The following ACOX2 variants were observed in gnomAD, a reference collection of about 807,000 sequenced individuals.
ACOX2 encodes the protein acyl-CoA oxidase 2, also known as peroxisomal acyl-coenzyme A oxidase 2.
ACOX2 carries 59 observed loss-of-function variants against 77.5 expected under a neutral mutation model. The observed-to-expected ratio is 0.76, with a 90% confidence interval of 0.62 to 0.95. The LOEUF (loss-of-function observed/expected upper bound fraction) is 0.95. ACOX2 is among the 40% of genes least tolerant of loss of function. The probability of loss-of-function intolerance (pLI) is 0.00; values close to 1 mark genes in which losing one functional copy is unlikely to be tolerated. For synonymous variants in ACOX2, 317 were observed against 340.1 expected (o/e 0.93, Z 0.75); for missense variants, 837 against 880.4 (o/e 0.95, Z 0.62).
chr3:58,510,836 C>T, intron 13 of ACOX2: 1 of 375,978 alleles, frequency 2.7e-6, no homozygotes, highest in Non-Finnish European at 5.3e-6. Context: ...ACCTTTGTAA[C>T]TATACATGGC....
At chr3:58,506,525 G>T (rs1426324321) in intron 14 of ACOX2, among the ~76,000 whole-genome samples, 2 of 152,214 alleles carry the variant, frequency 1.3e-5, no homozygotes, top group African/African-American at 2.4e-5. Context: ...AGGCATGGTG[G>T]CTCACACCTA....
rs1413414514 is a variant in ACOX2 at position 58,522,490 on chromosome 3, G to GCT, written c.1632+4_1632+5dup. On this transcript the variant is annotated splice_donor_region_variant and intron_variant, in intron 12 of 14. Transcript: ENST00000302819. This position sits in a 1 kb window ranked among gnomAD's most constrained non-coding sequence, Gnocchi z 4.3. ...TCCCTTTCAGCTTCAGCTGGCAGGC[G>GCT]CTCACCTTAGCAGCCTGGAGGTGTA... The GCT allele has an allele frequency of 6.2e-7, 1 of 1,613,058 alleles. No homozygotes were observed. The highest frequency in any genetic ancestry group is 1.3e-5 in the African/African-American group (1 of 74,900).
intron 13 of ACOX2, among the ~76,000 whole-genome samples, chr3:58,516,254 A>G (rs1260691617): frequency 6.6e-6 from 1 of 152,228 alleles, no homozygotes; most frequent in Non-Finnish European, 1.5e-5. Flanking sequence ...TAAACTTGGT[A>G]AGAATTTGCT....
Position 58,505,259 on chromosome 3 carries a change from T to C in ACOX2, c.2011A>G (p.Arg671Gly), listed in dbSNP as rs774482449. The change falls in exon 15 of 15, where the codon AGA (arginine) becomes GGA (glycine). Residue 671 changes from arginine (R) to glycine (G), a missense_variant. Arg to Gly is a moderately radical substitution (Grantham distance 125). Coordinates refer to ENST00000302819, the MANE Select transcript of ACOX2 (RefSeq NM_003500.4). This position sits in a 1 kb window ranked among gnomAD's most constrained non-coding sequence, Gnocchi z 4.4. The part of the protein sequence containing the change: ...QENPAYEEYI[R>G]PLLQSWRSKL ...GATCTCCAACTTTGTAAAAGTGGTC[T>C]TATATATTCCTCATAGGCAGGGTTC... The C allele has an allele frequency of 1.9e-6, 3 of 1,613,294 alleles. No homozygotes were observed. Among genetic ancestry groups the C allele is most frequent in the South Asian group, 1.1e-5 (1 of 90,782 alleles).
Position 58,505,242 on chromosome 3 carries a change from A to G in ACOX2, c.2028T>C (p.Ser676=), listed in dbSNP as rs1476138549. 1.2e-6 allele frequency: 2 copies of G among 1,613,250 alleles called. No homozygotes were observed. The highest frequency in any genetic ancestry group is 1.7e-5 in the Admixed American group (1 of 59,932). Residue 676 remains serine, a synonymous_variant, in exon 15 of 15, where the codon AGT becomes AGC. Coordinates refer to ENST00000302819, the MANE Select transcript of ACOX2 (RefSeq NM_003500.4). The surrounding 1 kb of genome is among the most constrained non-coding windows in gnomAD (Gnocchi z 4.4). ...GGTTATTTCATAGCTTGGATCTCCA[A>G]CTTTGTAAAAGTGGTCTTATATATT... ...YEEYIRPLLQ[S]WRSKL
At chr3:58,530,751 G>A (rs1017635731) in intron 7 of ACOX2, 113 bp from the exon 8 acceptor site, 29 of 1,290,076 alleles carry the variant, frequency 2.2e-5, no homozygotes, top group South Asian at 7.3e-5. Flanking sequence ...CTCAACCGGC[G>A]CATCTGGAGT....
In ACOX2 at chr3:58,531,422, G is replaced by T. The variant is rs776303668; in HGVS notation, c.704-56C>A. The T allele has an allele frequency of 6.7e-7, 1 of 1,500,826 alleles. No individual in the cohort carries two copies. The highest frequency in any genetic ancestry group is 1.4e-5 in the African/African-American group (1 of 72,644). 93.0% of individuals were successfully genotyped at this position (1,500,826 alleles called of 1,614,324 possible). A position where few individuals can be genotyped will look rare whatever the true frequency, so the allele number is the denominator to read the frequency against. ...CAGTTGAGAGAGTGCTTGCTATGTG[G>T]CAGGTATCATACACACATTCCAGGT... On this transcript the variant is annotated intron_variant, in intron 6 of 14. Coordinates refer to ENST00000302819, the MANE Select transcript of ACOX2 (RefSeq NM_003500.4). This position sits in a 1 kb window ranked among gnomAD's most constrained non-coding sequence, Gnocchi z 5.8.
rs950388667 is a variant in ACOX2, at chr3:58,519,835, T to A, written c.1633-2412A>T. ...GATGTGCTGTGTTGCCTCTGCTGGCTCCAGTAGCCTTTGTTGCTCAGACTG... is the reference window on the plus strand; with the variant it reads ...GATGTGCTGTGTTGCCTCTGCTGGCACCAGTAGCCTTTGTTGCTCAGACTG... On this transcript the variant is annotated intron_variant, in intron 12 of 14. Coordinates refer to ENST00000302819, the MANE Select transcript of ACOX2 (RefSeq NM_003500.4). The surrounding 1 kb of genome is among the most constrained non-coding windows in gnomAD (Gnocchi z 5.0). Among the ~76,000 whole-genome samples, 1 of 152,240 alleles carries A rather than the reference T, an allele frequency of 6.6e-6. No homozygotes were observed. Among genetic ancestry groups the A allele is most frequent in the Non-Finnish European group, 1.5e-5 (1 of 68,036 alleles).
Position 58,534,017 on chromosome 3 carries a change from T to G in ACOX2, c.452A>C (p.Tyr151Ser). ...LCKNIQIIAT[Y>S]AQTELGHGTY... The stretch of plus-strand genomic sequence containing the variant: ...ACCATGTCCCAACTCTGTCTGTGCA[T>G]ACGTTGCGATGATCTGGATGTTTTT... Residue 151 changes from tyrosine to serine, a missense_variant, in exon 4 of 15, where the codon TAT becomes TCT. By Grantham distance (144) the Tyr-to-Ser change is moderately radical. Coordinates refer to ENST00000302819, the MANE Select transcript of ACOX2 (RefSeq NM_003500.4). This position sits in a 1 kb window ranked among gnomAD's most constrained non-coding sequence, Gnocchi z 4.8. 2 of 1,614,220 alleles carry G rather than the reference T, an allele frequency of 1.2e-6. No individual in the cohort carries two copies. The highest frequency in any genetic ancestry group is 2.2e-5 in the South Asian group (2 of 91,084).
In ACOX2 at chr3:58,512,025, A is replaced by G. The variant is rs948304331; in HGVS notation, c.1851-3000T>C. 1.3e-5 allele frequency among the ~76,000 whole-genome samples: 2 copies of G among 152,168 alleles called. No individual in the cohort carries two copies. The highest frequency in any genetic ancestry group is 2.9e-5 in the Non-Finnish European group (2 of 68,026). On this transcript the variant is annotated intron_variant, in intron 13 of 14. Coordinates refer to ENST00000302819, the MANE Select transcript of ACOX2 (RefSeq NM_003500.4). This position sits in a 1 kb window ranked among gnomAD's most constrained non-coding sequence, Gnocchi z 4.8. Reference sequence around the variant, plus strand: ...CTTCTCAAGGCTTTAAATATCAACCATACGCCAATGACTTCCAAACTTATC... The same window carrying G: ...CTTCTCAAGGCTTTAAATATCAACCGTACGCCAATGACTTCCAAACTTATC...
At chr3:58,510,297 C>A (rs2063268934) in intron 13 of ACOX2, among the ~76,000 whole-genome samples, 2 of 151,982 alleles carry the variant, frequency 1.3e-5, no homozygotes, top group Admixed American at 1.3e-4. Flanking sequence ...TCACTTCATT[C>A]CTTATCCAGC....
At chr3:58,509,216 GT>G (rs1419374135) in intron 13 of ACOX2, among the ~76,000 whole-genome samples, 191 bp from the exon 14 acceptor site, 1 of 148,268 alleles carries the variant, frequency 6.7e-6, no homozygotes, top group Non-Finnish European at 1.5e-5. Flanking sequence ...AAAGGGTTCC[GT>G]AAGGCTTGTT....
rs181662164 is a variant in ACOX2 at position 58,519,064 on chromosome 3, T to A, written c.1633-1641A>T. ...CCCTGTGATGCCCATGCTGCTGTAGTGATTTTCAGTAGCAAGACTTAGAGT... is the reference window on the plus strand; with the variant it reads ...CCCTGTGATGCCCATGCTGCTGTAGAGATTTTCAGTAGCAAGACTTAGAGT... On this transcript the variant is annotated intron_variant, in intron 12 of 14. Transcript: ENST00000302819. This position sits in a 1 kb window ranked among gnomAD's most constrained non-coding sequence, Gnocchi z 5.0. Among the ~76,000 whole-genome samples the A allele has an allele frequency of 5.3e-5, 8 of 152,252 alleles. No homozygotes were observed. The highest frequency in any genetic ancestry group is 1.9e-4 in the African/African-American group (8 of 41,552).
chr3:58,528,051 A>T lies in ACOX2; in HGVS notation c.1155+743T>A, dbSNP rs1354542337. On this transcript the variant is annotated intron_variant, in intron 9 of 14. Transcript: ENST00000302819. The surrounding 1 kb of genome is among the most constrained non-coding windows in gnomAD (Gnocchi z 5.6). ...CCACTGCTTTATGGTATTTTGTTAC[A>T]GTGGCCCCAACAGGACAGAGGCTGC... 6.6e-6 allele frequency among the ~76,000 whole-genome samples: 1 copy of T among 152,176 alleles called. No homozygotes were observed. Among genetic ancestry groups the T allele is most frequent in the Non-Finnish European group, 1.5e-5 (1 of 68,032 alleles).
chr3:58,510,966 A>C, intron 13 of ACOX2: 1 of 456,214 alleles, frequency 2.2e-6, no homozygotes, highest in Non-Finnish European at 4.4e-6. Context: ...TTTCTTAGGC[A>C]GTTATTTCTT....
In ACOX2 at chr3:58,533,690, G is replaced by A; in HGVS notation, c.476-138C>T. 1.3e-6 allele frequency: 1 copy of A among 771,244 alleles called. No individual in the cohort carries two copies. The highest frequency in any genetic ancestry group is 2.1e-6 in the Non-Finnish European group (1 of 467,922). 47.8% of individuals were successfully genotyped at this position (771,244 alleles called of 1,614,324 possible). A position where few individuals can be genotyped will look rare whatever the true frequency, so the allele number is the denominator to read the frequency against. On this transcript the variant is annotated intron_variant, in intron 4 of 14. Transcript: ENST00000302819. This position sits in a 1 kb window ranked among gnomAD's most constrained non-coding sequence, Gnocchi z 5.6. ...CAGCTCCCAGCTGTACTTGCAGGCA[G>A]TTCTCCCCTTTCATCTGTGGGCTGT... is the stretch of plus-strand genomic sequence containing the variant.
rs756373723 is a variant in ACOX2 at position 58,534,648 on chromosome 3, A to T, written c.161-126T>A. 1.4e-5 allele frequency: 22 copies of T among 1,562,800 alleles called. No individual in the cohort carries two copies. In the African/African-American group the frequency reaches 2.4e-4, roughly 17 times the overall value. On this transcript the variant is annotated intron_variant, in intron 2 of 14. Transcript: ENST00000302819. This position sits in a 1 kb window ranked among gnomAD's most constrained non-coding sequence, Gnocchi z 4.8. ...AGACATTATTGTTATTTTACAGATGACAAAACTGAGGACCAAGGTGGGAAA... is the reference window on the plus strand; with the variant it reads ...AGACATTATTGTTATTTTACAGATGTCAAAACTGAGGACCAAGGTGGGAAA...
rs984433171 is a variant in ACOX2 at position 58,512,615 on chromosome 3, C to T, written c.1851-3590G>A. The stretch of plus-strand genomic sequence containing the variant: ...TGCCCTCTGCCGTCATTTTCCACCG[C>T]AGTCATGCCATTCCTGCCCCTGTGG... On this transcript the variant is annotated intron_variant, in intron 13 of 14. Coordinates refer to ENST00000302819, the MANE Select transcript of ACOX2 (RefSeq NM_003500.4). The surrounding 1 kb of genome is among the most constrained non-coding windows in gnomAD (Gnocchi z 4.8). Among the ~76,000 whole-genome samples the T allele has an allele frequency of 3.3e-5, 5 of 152,216 alleles. No homozygotes were observed.
At chr3:58,513,388 A>G (rs938441673) in intron 13 of ACOX2, among the ~76,000 whole-genome samples, 9 of 152,260 alleles carry the variant, frequency 5.9e-5, no homozygotes, top group Admixed American at 2.6e-4. Flanking sequence ...TCTTCAGATG[A>G]TGAACAGCTA....
Sources: gnomAD v4.1 joint callset for allele counts (sites outside exome capture counted in the v4.1 genomes callset) on GRCh38, gnomAD v4.1.1 for gene constraint, Gnocchi (gnomAD v3.1) non-coding constraint, MANE v1.5 for transcripts, NCBI Gene and HGNC (gene_info 2026-07-23, HGNC 2026-07-21) for gene names.